The following CCSER1 variants were observed in gnomAD, a reference collection of about 807,000 sequenced individuals.
The protein encoded by CCSER1 is coiled-coil serine rich protein 1, also known as serine-rich coiled-coil domain-containing protein 1.
A neutral mutation model predicts 82.0 loss-of-function variants in CCSER1; 41 were observed. The ratio of observed to expected loss-of-function variants is 0.50; its 90% CI spans 0.39 to 0.65. The LOEUF is 0.65. Ranked by LOEUF, CCSER1 falls within the 30% of genes least tolerant of loss-of-function variation. The pLI, the probability that CCSER1 is intolerant of heterozygous loss-of-function variation, is 0.00. For synonymous variants in CCSER1, 414 were observed against 383.9 expected (o/e 1.08, Z -0.92); for missense variants, 1,119 against 1,064.2 (o/e 1.05, Z -0.72).
chr4:90,857,774 T>C (rs1295219210), intron 8 of CCSER1, among the ~76,000 whole-genome samples: 1 of 151,982 alleles, frequency 6.6e-6, no homozygotes, highest in East Asian at 1.9e-4. Context: ...GGATACAAGG[T>C]AGTAAATATG....
chr4:90,770,431 T>G (rs542933911), intron 7 of CCSER1, among the ~76,000 whole-genome samples: 1 of 152,316 alleles, frequency 6.6e-6, no homozygotes, highest in East Asian at 1.9e-4. Flanking sequence ...ATTAACATTT[T>G]GAGACTGGGA....
chr4:90,455,055 C>G (rs1199307665), intron 4 of CCSER1, among the ~76,000 whole-genome samples: 1 of 152,098 alleles, frequency 6.6e-6, no homozygotes, highest in Non-Finnish European at 1.5e-5. Flanking sequence ...CTGGGATTGC[C>G]CCTTGCAGCC....
intron 9 of CCSER1, among the ~76,000 whole-genome samples, chr4:91,000,901 G>A (rs563700127): frequency 3.3e-5 from 5 of 151,996 alleles, no homozygotes; most frequent in Admixed American, 2.0e-4. Flanking sequence ...TTTCCTATTT[G>A]GATGCCTTTT....
chr4:90,247,864 G>GA (rs1721719594), intron 1 of CCSER1, among the ~76,000 whole-genome samples: 1 of 150,248 alleles, frequency 6.7e-6, no homozygotes, highest in East Asian at 1.9e-4. Flanking sequence ...GGTTTTTTTT[G>GA]AAAAAAGCAT....
At chr4:90,581,588 G>T (rs1461338978) in intron 5 of CCSER1, among the ~76,000 whole-genome samples, 2 of 152,046 alleles carry the variant, frequency 1.3e-5, no homozygotes, top group Non-Finnish European at 2.9e-5. Flanking sequence ...CACCTAAATT[G>T]TCAAGAATTA....
intron 4 of CCSER1, among the ~76,000 whole-genome samples, chr4:90,411,532 A>T (rs2153554769): frequency 6.6e-6 from 1 of 152,360 alleles, no homozygotes; most frequent in East Asian, 1.9e-4. Context: ...CCACATGATT[A>T]TCTCAATAGA....
intron 1 of CCSER1, among the ~76,000 whole-genome samples, chr4:90,189,485 G>T (rs1735221460): frequency 1.3e-5 from 2 of 151,732 alleles, no homozygotes; most frequent in Non-Finnish European, 2.9e-5. Flanking sequence ...ATGGATGTGC[G>T]CAAGTATGTT....
chr4:90,167,698 C>T (rs998750009), intron 1 of CCSER1, among the ~76,000 whole-genome samples: 3 of 149,674 alleles, frequency 2.0e-5, no homozygotes, highest in Non-Finnish European at 3.0e-5. Flanking sequence ...TTGTTCAGTT[C>T]CCACCTATGA....
intron 10 of CCSER1, among the ~76,000 whole-genome samples, chr4:91,335,271 C>T (rs1346456113): frequency 6.6e-6 from 1 of 152,060 alleles, no homozygotes; most frequent in African/African-American, 2.4e-5. Context: ...CCCCAATCCC[C>T]AGTGAACTTG....
At chr4:91,392,794 C>T (rs917905103) in intron 10 of CCSER1, among the ~76,000 whole-genome samples, 1 of 151,946 alleles carries the variant, frequency 6.6e-6, no homozygotes, top group Non-Finnish European at 1.5e-5. Context: ...CAAAAGTCAC[C>T]ATGGTATAAA....
At chr4:90,244,200 G>A (rs1216946057) in intron 1 of CCSER1, among the ~76,000 whole-genome samples, 1 of 152,180 alleles carries the variant, frequency 6.6e-6, no homozygotes, top group Non-Finnish European at 1.5e-5. Context: ...TGACTATTGT[G>A]AGTGGAGAGA....
In CCSER1 at chr4:91,208,585, C is replaced by T. The variant is rs374881466; in HGVS notation, c.2217+122591C>T. On this transcript the variant is annotated intron_variant, in intron 10 of 10. Coordinates refer to ENST00000509176, the MANE Select transcript of CCSER1 (RefSeq NM_001145065.2). Reference sequence around the variant, plus strand: ...CTCTCCATTTTGTTCCATTCATCTGCGTGCCTGTTTTTGTACTAGTACCAT... The same window carrying T: ...CTCTCCATTTTGTTCCATTCATCTGTGTGCCTGTTTTTGTACTAGTACCAT... 1.3e-4 allele frequency among the ~76,000 whole-genome samples: 20 copies of T among 151,706 alleles called. No homozygotes were observed. The East Asian group carries it at 2.7e-3, about 21-fold the overall frequency.
chr4:91,529,405 G>C (rs1354342027), intron 10 of CCSER1, among the ~76,000 whole-genome samples: 4 of 151,944 alleles, frequency 2.6e-5, no homozygotes, highest in Non-Finnish European at 5.9e-5. Flanking sequence ...GTTATCAGTT[G>C]TTTTTCAATC....
rs560132121 is a variant in CCSER1, at chr4:90,229,840, A to C, written c.-41-78404A>C. 3.1e-3 allele frequency among the ~76,000 whole-genome samples: 479 copies of C among 152,286 alleles called. 3 individuals are homozygous for C. The highest frequency in any genetic ancestry group is 6.0e-3 in the Non-Finnish European group (406 of 68,032). ...GCAATCCTAGTCTCTGATAAAACAG[A>C]CTTTAAACCAACAAAGATCAAAAGA... On this transcript the variant is annotated intron_variant, in intron 1 of 10. Transcript: ENST00000509176.
chr4:90,328,450 C>A (rs1282805990), intron 3 of CCSER1, among the ~76,000 whole-genome samples: 2 of 152,066 alleles, frequency 1.3e-5, no homozygotes, highest in Admixed American at 1.3e-4. Context: ...TGTCTAAAGT[C>A]ACTTTGGAGA....
intron 10 of CCSER1, among the ~76,000 whole-genome samples, chr4:91,537,091 A>G (rs957696595): frequency 3.3e-5 from 5 of 152,154 alleles, no homozygotes; most frequent in South Asian, 4.1e-4. Flanking sequence ...AATGGTTAAT[A>G]GTCATTATGT....
intron 8 of CCSER1, among the ~76,000 whole-genome samples, chr4:90,861,092 G>A (rs1293535736): frequency 4.6e-5 from 7 of 151,656 alleles, no homozygotes; most frequent in Admixed American, 4.6e-4. Flanking sequence ...TAGGATATGT[G>A]CCATTCGGGA....
chr4:91,406,766 T>C (rs1457282254), intron 10 of CCSER1, among the ~76,000 whole-genome samples: 1 of 152,230 alleles, frequency 6.6e-6, no homozygotes, highest in South Asian at 2.1e-4. Context: ...GCTTTTATTA[T>C]ATTGTTATCC....
intron 10 of CCSER1, among the ~76,000 whole-genome samples, chr4:91,278,151 G>C (rs1742625212): frequency 6.6e-6 from 1 of 152,064 alleles, no homozygotes; most frequent in Non-Finnish European, 1.5e-5. Flanking sequence ...TTATTCTGCT[G>C]TTCTCAGATG....
Sources: gnomAD v4.1 joint callset for allele counts (sites outside exome capture counted in the v4.1 genomes callset) on GRCh38, gnomAD v4.1.1 for gene constraint, MANE v1.5 for transcripts, NCBI Gene and HGNC (gene_info 2026-07-23, HGNC 2026-07-21) for gene names.